Variants in GRM8 observed in about 807,000 individuals in gnomAD.
The protein encoded by GRM8 is metabotropic glutamate receptor 8.
Under a neutral mutation model 87.2 loss-of-function variants are expected in GRM8, and 47 were observed. The observed-to-expected ratio is 0.54, with a 90% CI of 0.43 to 0.69. The LOEUF (loss-of-function observed/expected upper bound fraction) is 0.69, where lower values mean the gene tolerates loss of function less well. Ranked by LOEUF, GRM8 falls within the 30% of genes least tolerant of loss-of-function variation. The pLI is 0.00. For missense variants in GRM8, 1,019 were observed against 1,139.2 expected (o/e 0.89, Z 1.52); for synonymous variants, 396 against 404.5 (o/e 0.98, Z 0.25).
intron 9 of GRM8, among the ~76,000 whole-genome samples, chr7:126,509,647 G>T (rs1811032666): frequency 6.6e-6 from 1 of 151,952 alleles, no homozygotes. Flanking sequence ...CAATTACACA[G>T]ATTTTTTAAA....
intron 2 of GRM8, among the ~76,000 whole-genome samples, chr7:127,113,221 T>C (rs1180577702): frequency 6.6e-6 from 1 of 152,142 alleles, no homozygotes; most frequent in Non-Finnish European, 1.5e-5. Context: ...CCTTGTCTAT[T>C]CAGAATGCCA....
chr7:126,987,450 T>G (rs1328021617), intron 3 of GRM8, among the ~76,000 whole-genome samples: 2 of 151,852 alleles, frequency 1.3e-5, no homozygotes, highest in Non-Finnish European at 2.9e-5. Flanking sequence ...TCACAGTTTT[T>G]TTTTTTGTTT....
At chr7:127,179,425 G>A (rs1794307674) in intron 2 of GRM8, among the ~76,000 whole-genome samples, 1 of 152,046 alleles carries the variant, frequency 6.6e-6, no homozygotes, top group Non-Finnish European at 1.5e-5. Flanking sequence ...TCCACTGACA[G>A]CACTAGACAG....
intron 3 of GRM8, among the ~76,000 whole-genome samples, chr7:127,094,113 G>A (rs1290271339): frequency 6.6e-6 from 1 of 152,172 alleles, no homozygotes; most frequent in African/African-American, 2.4e-5. Flanking sequence ...AGATTCTGAT[G>A]TTGCTTCATT....
chr7:126,438,918 G>C lies in GRM8; in HGVS notation c.*201C>G. ...CAATACTTTAGCTTGACACTCATTG[G>C]TTTTATTGTATAAAACGGGTTTCTT... is the stretch of plus-strand genomic sequence containing the variant. On this transcript the variant is annotated 3_prime_UTR_variant, in exon 11 of 11. Transcript: ENST00000339582. The C allele has an allele frequency of 4.0e-6, 2 of 497,618 alleles. No individual in the cohort carries two copies. Among genetic ancestry groups the C allele is most frequent in the Non-Finnish European group, 7.2e-6 (2 of 278,432 alleles). 30.8% of individuals were successfully genotyped at this position (497,618 alleles called of 1,614,324 possible).
At chr7:127,090,345 GT>G (rs1163450137) in intron 3 of GRM8, among the ~76,000 whole-genome samples, 2 of 152,142 alleles carry the variant, frequency 1.3e-5, no homozygotes, top group East Asian at 3.9e-4. Flanking sequence ...GAATAAGCAA[GT>G]TCATCAGGGC....
At chr7:126,620,278 G>A (rs1019542168) in intron 7 of GRM8, among the ~76,000 whole-genome samples, 5 of 152,186 alleles carry the variant, frequency 3.3e-5, no homozygotes, top group Non-Finnish European at 5.9e-5. Flanking sequence ...GACAGAGCAA[G>A]ATGCTGTCTT....
chr7:126,713,467 G>GAGAGCATTAGGACAAACACCT (rs1174572857), intron 7 of GRM8, among the ~76,000 whole-genome samples: 1 of 152,132 alleles, frequency 6.6e-6, no homozygotes, highest in East Asian at 1.9e-4. Context: ...CAAGGGGAGG[G>GAGAGCATTAGGACAAACACCT]AGAGCATTAG....
At chr7:126,606,066 C>A (rs1378744422) in intron 8 of GRM8, among the ~76,000 whole-genome samples, 1 of 152,178 alleles carries the variant, frequency 6.6e-6, no homozygotes, top group African/African-American at 2.4e-5. Context: ...TATCTATTCA[C>A]ATGGTAGCAC....
intron 3 of GRM8, among the ~76,000 whole-genome samples, chr7:127,016,246 T>A (rs966074091): frequency 1.3e-5 from 2 of 152,088 alleles, no homozygotes; most frequent in Non-Finnish European, 2.9e-5. Context: ...ATCTCCTTTT[T>A]GAGGCACTAT....
intron 3 of GRM8, among the ~76,000 whole-genome samples, chr7:127,014,056 C>T (rs1411436309): frequency 1.3e-5 from 2 of 152,104 alleles, no homozygotes; most frequent in African/African-American, 2.4e-5. Context: ...AAGGATCATT[C>T]CTCTTGGTGT....
At chr7:126,646,257 G>GGAAGGAAGGAAGGAA (rs1803045058) in intron 7 of GRM8, among the ~76,000 whole-genome samples, 1 of 87,216 alleles carries the variant, frequency 1.1e-5, no homozygotes, top group East Asian at 4.8e-4. Flanking sequence ...GAGAGAAGGA[G>GGAAGGAAGGAAGGAA]GGAAAGAAGG....
chr7:126,949,964 C>G (rs1220554403), intron 3 of GRM8, among the ~76,000 whole-genome samples: 1 of 152,154 alleles, frequency 6.6e-6, no homozygotes, highest in African/African-American at 2.4e-5. Context: ...TATTTTAGAT[C>G]AAAGACGTGG....
chr7:126,501,032 T>G (rs545753428), intron 9 of GRM8, among the ~76,000 whole-genome samples: 2 of 152,156 alleles, frequency 1.3e-5, no homozygotes, highest in South Asian at 4.1e-4. Context: ...CTTTCTAAAA[T>G]GCTGCTTACA....
intron 2 of GRM8, among the ~76,000 whole-genome samples, chr7:127,118,610 T>C (rs1030265339): frequency 6.6e-6 from 1 of 152,238 alleles, no homozygotes; most frequent in Non-Finnish European, 1.5e-5. Context: ...CTTAGTGCTC[T>C]AGCTTCATTT....
intron 8 of GRM8, among the ~76,000 whole-genome samples, chr7:126,564,268 C>A (rs1436845509): frequency 6.6e-6 from 1 of 152,104 alleles, no homozygotes; most frequent in East Asian, 1.9e-4. Context: ...GGCTCCTCAT[C>A]AAAGAAGATG....
chr7:127,208,414 A>T (rs973832591), intron 2 of GRM8, among the ~76,000 whole-genome samples: 42 of 152,236 alleles, frequency 2.8e-4, no homozygotes, highest in African/African-American at 1.0e-3. Flanking sequence ...AAGAGGCTAC[A>T]CTTCCCAGCC....
chr7:126,597,186 T>C (rs1318427686), intron 8 of GRM8, among the ~76,000 whole-genome samples: 1 of 152,132 alleles, frequency 6.6e-6, no homozygotes, highest in African/African-American at 2.4e-5. Context: ...ATCCTAGCTT[T>C]TGGCTCTCCT....
chr7:126,815,940 T>C (rs956784319), intron 6 of GRM8, among the ~76,000 whole-genome samples: 11 of 152,158 alleles, frequency 7.2e-5, no homozygotes, highest in African/African-American at 2.6e-4. Context: ...GTCTTAAGCC[T>C]TCCATGAGAA....
Sources: allele counts gnomAD v4.1 joint callset (sites outside exome capture counted in the v4.1 genomes callset), GRCh38; gene constraint gnomAD v4.1.1; transcripts MANE v1.5; gene names NCBI Gene and HGNC (gene_info 2026-07-23, HGNC 2026-07-21).